The following DENND5B variants were observed in gnomAD, a reference collection of about 807,000 sequenced individuals.
DENND5B encodes the protein DENN domain-containing protein 5B.
DENND5B carries 34 observed loss-of-function variants against 140.6 expected under a neutral mutation model. The ratio of observed to expected loss-of-function variants is 0.24; its 90% CI spans 0.18 to 0.32. The LOEUF is 0.32. DENND5B is among the 10% of genes least tolerant of loss of function. The pLI is 1.00. For missense variants in DENND5B, 1,142 were observed against 1,560.2 expected (o/e 0.73, Z 4.52); for synonymous variants, 551 against 562.1 (o/e 0.98, Z 0.28).
chr12:31,566,471 G>A (rs1438277941), intron 1 of DENND5B, among the ~76,000 whole-genome samples: 5 of 151,530 alleles, frequency 3.3e-5, no homozygotes, highest in East Asian at 1.9e-4. Context: ...CATATTCTAC[G>A]ATAAAACATG....
chr12:31,569,823 G>A (rs1484252400), intron 1 of DENND5B, among the ~76,000 whole-genome samples: 1 of 151,454 alleles, frequency 6.6e-6, no homozygotes, highest in South Asian at 2.1e-4. Flanking sequence ...AAAAATAACA[G>A]TTAAGAGCCA....
intron 11 of DENND5B, among the ~76,000 whole-genome samples, chr12:31,421,665 T>C (rs111528177): frequency 0.017 from 2,537 of 152,262 alleles, 73 homozygotes; most frequent in African/African-American, 0.057. Context: ...TTCTCCTGAC[T>C]CAGTCTCCTG....
intron 1 of DENND5B, among the ~76,000 whole-genome samples, chr12:31,511,921 C>CTTTTTTTTTTTTTT (rs761566462): frequency 2.0e-5 from 2 of 98,944 alleles, no homozygotes; most frequent in Non-Finnish European, 3.7e-5. Flanking sequence ...CTCCACTGCC[C>CTTTTTTTTTTTTTT]TTTTTTTTTT....
At chr12:31,548,333 G>A (rs142807672) in intron 1 of DENND5B, among the ~76,000 whole-genome samples, 16 of 152,008 alleles carry the variant, frequency 1.1e-4, no homozygotes, top group African/African-American at 3.1e-4. Flanking sequence ...GGTCAAGGCT[G>A]CCGTGAGCTG....
rs2137201502 is a variant in DENND5B at position 31,383,371 on chromosome 12, C to CT, written c.*4231dup. On this transcript the variant is annotated 3_prime_UTR_variant, in exon 21 of 21. Coordinates refer to ENST00000389082, the MANE Select transcript of DENND5B (RefSeq NM_144973.4). ...TAAGCTGTTGTATAGTCTTGAACCT[C>CT]TTTTTCACTTACATTTACATATAAC... 6.6e-6 allele frequency: 1 copy of CT among 152,202 alleles called. No individual in the cohort carries two copies. Among genetic ancestry groups the CT allele is most frequent in the South Asian group, 2.1e-4 (1 of 4,822 alleles). The allele number at this position is 152,202 out of a possible 1,614,324, so 9.4% of individuals were successfully genotyped here. A position where few individuals can be genotyped will look rare whatever the true frequency, so the allele number is the denominator to read the frequency against.
chr12:31,410,016 C>T (rs969025297), intron 13 of DENND5B, among the ~76,000 whole-genome samples: 1 of 152,132 alleles, frequency 6.6e-6, no homozygotes, highest in Non-Finnish European at 1.5e-5. Flanking sequence ...CATTCTATTT[C>T]AATTCATAAA....
chr12:31,570,071 T>C (rs1949763155), intron 1 of DENND5B, among the ~76,000 whole-genome samples: 1 of 151,124 alleles, frequency 6.6e-6, no homozygotes, highest in Non-Finnish European at 1.5e-5. Flanking sequence ...GGCGGGTGCC[T>C]GTAATCCCAG....
chr12:31,484,202 G>C (rs1295862997), intron 2 of DENND5B, among the ~76,000 whole-genome samples: 2 of 152,152 alleles, frequency 1.3e-5, no homozygotes, highest in African/African-American at 4.8e-5. Flanking sequence ...AAGCAGTGGA[G>C]ACAACCACAA....
At chr12:31,504,512 C>T (rs1242447131) in intron 1 of DENND5B, among the ~76,000 whole-genome samples, 3 of 152,140 alleles carry the variant, frequency 2.0e-5, no homozygotes, top group Non-Finnish European at 4.4e-5. Context: ...TGTGGGGTTG[C>T]AAATGAAGAG....
chr12:31,429,347 G>C (rs981528319), intron 8 of DENND5B, among the ~76,000 whole-genome samples: 5 of 152,210 alleles, frequency 3.3e-5, no homozygotes, highest in African/African-American at 1.2e-4. Context: ...ATTACCAGCA[G>C]AGAAGTCAAA....
intron 1 of DENND5B, among the ~76,000 whole-genome samples, chr12:31,513,624 T>C (rs2138937607): frequency 6.6e-6 from 1 of 152,316 alleles, no homozygotes; most frequent in East Asian, 1.9e-4. Context: ...CCTATGCCCA[T>C]TTGATGCACC....
chr12:31,392,476 G>A (rs768471843), intron 18 of DENND5B, 83 bp from the exon 19 acceptor site: 86 of 1,577,206 alleles, frequency 5.5e-5, no homozygotes, highest in Non-Finnish European at 7.3e-5. Context: ...AGTGCTGAAG[G>A]TAGCTATATG....
intron 1 of DENND5B, among the ~76,000 whole-genome samples, chr12:31,587,526 CTTTTTTTTTTTTTTTTTTTTTTTT>C (rs71460995): frequency 6.7e-5 from 5 of 74,948 alleles, no homozygotes; most frequent in African/African-American, 1.9e-4. Flanking sequence ...CCACAAATAC[CTTTTTTTTTTTTTTTTTTTTTTTT>C]TTTTTTTTTT....
At chr12:31,467,455 T>C (rs1451846709) in intron 3 of DENND5B, among the ~76,000 whole-genome samples, 2 of 149,198 alleles carry the variant, frequency 1.3e-5, no homozygotes, top group African/African-American at 2.5e-5. Flanking sequence ...GAGACCCCCA[T>C]CTCTACAAAA....
intron 1 of DENND5B, among the ~76,000 whole-genome samples, chr12:31,570,801 A>G (rs1327606319): frequency 5.3e-5 from 8 of 151,966 alleles, no homozygotes; most frequent in Admixed American, 5.2e-4. Flanking sequence ...ATACCTTCTT[A>G]GGTTATCTCA....
At position 31,395,525 on chromosome 12, in the gene DENND5B, G is replaced by T. The variant is rs149080015; in HGVS notation, c.3256+2650C>A. On this transcript the variant is annotated intron_variant, in intron 17 of 20. Coordinates refer to ENST00000389082, the MANE Select transcript of DENND5B (RefSeq NM_144973.4). ...GGAGAATCGCTTGAACCTGGGAAGC[G>T]GAGGTTGCAGTGAGATGAGACCGCA... Among the ~76,000 whole-genome samples the T allele has an allele frequency of 3.3e-3, 496 of 152,192 alleles. 4 individuals carry two copies. The highest frequency in any genetic ancestry group is 0.011 in the African/African-American group (460 of 41,500).
chr12:31,550,578 C>T (rs1949017587), intron 1 of DENND5B, among the ~76,000 whole-genome samples: 2 of 151,848 alleles, frequency 1.3e-5, no homozygotes, highest in African/African-American at 4.8e-5. Flanking sequence ...GGGTATATAG[C>T]CAGTAATGGG....
At chr12:31,388,176 C>T (rs1940938907) in intron 20 of DENND5B, among the ~76,000 whole-genome samples, 1 of 140,146 alleles carries the variant, frequency 7.1e-6, no homozygotes, top group Non-Finnish European at 1.5e-5. Flanking sequence ...AGGCATGCCA[C>T]AGTATACTGA....
chr12:31,438,973 A>G (rs903084574), intron 7 of DENND5B, among the ~76,000 whole-genome samples: 4 of 152,246 alleles, frequency 2.6e-5, no homozygotes, highest in Admixed American at 2.0e-4. Context: ...CTCTTACTAT[A>G]CACTCTGTGG....
Sources: gnomAD v4.1 joint callset for allele counts (sites outside exome capture counted in the v4.1 genomes callset) on GRCh38, gnomAD v4.1.1 for gene constraint, MANE v1.5 for transcripts, NCBI Gene and HGNC (gene_info 2026-07-23, HGNC 2026-07-21) for gene names.